Variants in LRRC7 observed in about 807,000 individuals in gnomAD.
LRRC7 encodes leucine rich repeat containing 7, also known as leucine-rich repeat-containing protein 7.
A neutral mutation model predicts 175.7 loss-of-function variants in LRRC7; 23 were observed. That is an observed-to-expected ratio of 0.13 (90% confidence interval 0.09 to 0.19). The LOEUF is 0.19. Among genes scored for constraint, LRRC7 ranks in the 10% least tolerant of loss-of-function variants. The probability of loss-of-function intolerance (pLI) is 1.00; values close to 1 mark genes in which losing one functional copy is unlikely to be tolerated. For missense variants in LRRC7, 1,354 were observed against 1,904.7 expected, an observed-to-expected ratio of 0.71 and a Z score of 5.38; for synonymous variants, 685 against 680.9, an observed-to-expected ratio of 1.01 and a Z score of -0.09.
At chr1:70,086,058 A>G (rs2102157452) in intron 24 of LRRC7, among the ~76,000 whole-genome samples, 1 of 152,270 alleles carries the variant, frequency 6.6e-6, no homozygotes, top group South Asian at 2.1e-4. Context: ...TTTAACAAGG[A>G]GTCATCGTAT....
rs760557193 is a variant in LRRC7 at position 69,585,687 on chromosome 1, G to A, written c.2+17046G>A. Among the ~76,000 whole-genome samples, 54 of 152,328 alleles carry A rather than the reference G, an allele frequency of 3.5e-4. 1 individual carries two copies. Among genetic ancestry groups the A allele is most frequent in the Middle Eastern group, 6.8e-3 (2 of 294 alleles). Reference sequence around the variant, plus strand: ...AGATACTTTGAAAGAGTCTGCAGATGTCAAGAATAAGTTGTGAGCTATCAC... The same window carrying A: ...AGATACTTTGAAAGAGTCTGCAGATATCAAGAATAAGTTGTGAGCTATCAC... On this transcript the variant is annotated intron_variant, in intron 1 of 26. Coordinates refer to ENST00000651989, the MANE Select transcript of LRRC7 (RefSeq NM_001370785.2).
intron 23 of LRRC7, among the ~76,000 whole-genome samples, chr1:70,062,443 A>G (rs1210384496): frequency 2.0e-5 from 3 of 152,090 alleles, no homozygotes; most frequent in Non-Finnish European, 2.9e-5. Context: ...TTTTTTCCAG[A>G]AAATCAATAG....
chr1:69,884,963 A>G (rs1229738164), intron 7 of LRRC7, among the ~76,000 whole-genome samples: 5 of 150,112 alleles, frequency 3.3e-5, no homozygotes, highest in African/African-American at 9.9e-5. Context: ...ACAGGGATGA[A>G]GCCCACTTGA....
At chr1:70,061,384 G>A (rs1661564599) in intron 23 of LRRC7, among the ~76,000 whole-genome samples, 1 of 151,964 alleles carries the variant, frequency 6.6e-6, no homozygotes, top group African/African-American at 2.4e-5. Flanking sequence ...CCTTTTGGTG[G>A]TGTCACTTAG....
At chr1:69,646,972 C>T (rs979156855) in intron 1 of LRRC7, among the ~76,000 whole-genome samples, 3 of 151,588 alleles carry the variant, frequency 2.0e-5, no homozygotes, top group Admixed American at 6.6e-5. Flanking sequence ...AGCTGGCCTA[C>T]GTCATTCTAA....
intron 2 of LRRC7, among the ~76,000 whole-genome samples, chr1:69,700,678 A>G (rs1437061503): frequency 6.6e-6 from 1 of 152,246 alleles, no homozygotes; most frequent in East Asian, 1.9e-4. Flanking sequence ...GGGGGAAGAG[A>G]AGACCAAGAG....
intron 25 of LRRC7, 45 bp downstream of exon 25, chr1:70,089,864 T>A (rs757349330): frequency 1.0e-5 from 14 of 1,334,060 alleles, no homozygotes; most frequent in Admixed American, 3.6e-5. Flanking sequence ...AGAAAAATAC[T>A]ATCTCCTACA....
chr1:70,142,774 T>C lies in LRRC7; in HGVS notation c.*20887T>C, dbSNP rs567037726. 56 of 152,222 alleles carry C rather than the reference T, an allele frequency of 3.7e-4. No individual in the cohort carries two copies. The highest frequency in any genetic ancestry group is 1.3e-3 in the African/African-American group (53 of 41,562). 9.4% of individuals were successfully genotyped at this position (152,222 alleles called of 1,614,324 possible). On this transcript the variant is annotated 3_prime_UTR_variant, in exon 27 of 27. Transcript: ENST00000651989. ...TATATAAGAAAACCATAACATGAACTAGGGTCTTTCTATTCAAAAAAGAAA... is the reference window on the plus strand; with the variant it reads ...TATATAAGAAAACCATAACATGAACCAGGGTCTTTCTATTCAAAAAAGAAA...
chr1:70,007,336 A>G (rs564736877), intron 11 of LRRC7, among the ~76,000 whole-genome samples: 6 of 152,298 alleles, frequency 3.9e-5, no homozygotes, highest in South Asian at 4.2e-4. Context: ...ATAAATCACA[A>G]TATTTCACAG....
In LRRC7 at chr1:70,089,800, C is replaced by T. The variant is rs1208381477; in HGVS notation, c.4526C>T (p.Pro1509Leu). ...ISGGISGQGN[P>L]FKPSDKGIFV... is the part of the protein sequence containing the mutation. The stretch of plus-strand genomic sequence containing the variant: ...GGTGGAATTAGTGGACAAGGAAATC[C>T]ATTCAAACCTTCTGACAAGGTAAGA... The change falls in exon 25 of 27, where the codon CCA becomes CTA. Residue 1509 changes from proline to leucine, a missense_variant. Pro to Leu is a moderately conservative substitution (Grantham distance 98, BLOSUM62 -3). This residue lies in a region of LRRC7 where 53 missense variants were observed against 112.6 expected (regional missense o/e 0.47). Transcript: ENST00000651989. The T allele has an allele frequency of 6.2e-7, 1 of 1,605,554 alleles. No individual in the cohort carries two copies. Among genetic ancestry groups the T allele is most frequent in the Non-Finnish European group, 8.5e-7 (1 of 1,173,676 alleles).
At chr1:69,673,516 T>G (rs1659386857) in intron 1 of LRRC7, among the ~76,000 whole-genome samples, 1 of 152,218 alleles carries the variant, frequency 6.6e-6, no homozygotes, top group Admixed American at 6.5e-5. Flanking sequence ...TGAGAGTAGC[T>G]AGAACAGCTC....
rs1662300718 is a variant in LRRC7, at chr1:69,694,466, T to G, written c.100+15988T>G. Among the ~76,000 whole-genome samples the G allele has an allele frequency of 2.0e-5, 3 of 152,312 alleles. No individual in the cohort carries two copies. In the South Asian group the frequency reaches 6.2e-4, roughly 32 times the overall value. ...GAGATTCATTCCAGACATTCCACACTGCTCTCTGAATTTCTGTTTCTCAGC... is the reference window on the plus strand; with the variant it reads ...GAGATTCATTCCAGACATTCCACACGGCTCTCTGAATTTCTGTTTCTCAGC... On this transcript the variant is annotated intron_variant, in intron 2 of 26. Coordinates refer to ENST00000651989, the MANE Select transcript of LRRC7 (RefSeq NM_001370785.2).
chr1:69,899,619 A>G (rs1338291474), intron 7 of LRRC7, among the ~76,000 whole-genome samples: 1 of 152,190 alleles, frequency 6.6e-6, no homozygotes, highest in Non-Finnish European at 1.5e-5. Flanking sequence ...ACGTAAACAA[A>G]TGATCATGGC....
intron 3 of LRRC7, among the ~76,000 whole-genome samples, chr1:69,781,999 A>C (rs1673818001): frequency 6.6e-6 from 1 of 152,118 alleles, no homozygotes; most frequent in Admixed American, 6.6e-5. Flanking sequence ...TTGTACCCAC[A>C]CAGAACTGAT....
chr1:69,671,011 G>A (rs1383031446), intron 1 of LRRC7, among the ~76,000 whole-genome samples: 5 of 152,070 alleles, frequency 3.3e-5, no homozygotes, highest in African/African-American at 1.2e-4. Context: ...TTCCTCTGTG[G>A]CAAAGCTGGT....
chr1:69,828,886 T>C (rs1174365501), intron 5 of LRRC7, among the ~76,000 whole-genome samples: 1 of 151,948 alleles, frequency 6.6e-6, no homozygotes, highest in African/African-American at 2.4e-5. Flanking sequence ...CAGATGCTTG[T>C]AATATGTTTT....
chr1:69,959,088 A>C (rs1420677920), intron 8 of LRRC7, among the ~76,000 whole-genome samples: 2 of 152,064 alleles, frequency 1.3e-5, no homozygotes, highest in African/African-American at 4.8e-5. Context: ...GATGAGGAAA[A>C]GTAGCAAAGT....
chr1:69,619,108 G>C (rs981658378), intron 1 of LRRC7, among the ~76,000 whole-genome samples: 1 of 151,730 alleles, frequency 6.6e-6, no homozygotes, highest in African/African-American at 2.4e-5. Flanking sequence ...ATGTGTGAGG[G>C]CTTTGCTCCA....
At chr1:70,011,472 T>G (rs554410841) in intron 11 of LRRC7, among the ~76,000 whole-genome samples, 10 of 152,114 alleles carry the variant, frequency 6.6e-5, no homozygotes, top group Non-Finnish European at 1.5e-4. Flanking sequence ...ATGACAGTTA[T>G]AGTCACTCAT....
Sources: allele counts gnomAD v4.1 joint callset (sites outside exome capture counted in the v4.1 genomes callset), GRCh38; gene constraint gnomAD v4.1.1; regional missense constraint gnomAD v4.1.1; transcripts MANE v1.5; gene names NCBI Gene and HGNC (gene_info 2026-07-23, HGNC 2026-07-21).